EMID1: variants seen among roughly 807,000 people sequenced by gnomAD.
The protein encoded by EMID1 is EMI domain containing 1, also known as EMI domain-containing protein 1.
Under a neutral mutation model 60.6 loss-of-function variants are expected in EMID1, and 40 were observed. The ratio of observed to expected loss-of-function variants is 0.66; its 90% CI spans 0.51 to 0.86. The LOEUF is 0.86. Ranked by LOEUF, EMID1 falls within the 40% of genes least tolerant of loss-of-function variation. The pLI is 0.00. For missense variants in EMID1, 585 were observed against 597.1 expected, an observed-to-expected ratio of 0.98 and a Z score of 0.21; for synonymous variants, 242 against 231.0, an observed-to-expected ratio of 1.05 and a Z score of -0.43.
At chr22:29,213,236 G>A (rs2039960087) in intron 1 of EMID1, among the ~76,000 whole-genome samples, 1 of 152,218 alleles carries the variant, frequency 6.6e-6, no homozygotes, top group Non-Finnish European at 1.5e-5. Flanking sequence ...CTTTGTCACA[G>A]CATCTGGTTT....
intron 1 of EMID1, among the ~76,000 whole-genome samples, chr22:29,211,901 G>A (rs1306248278): frequency 6.6e-6 from 1 of 152,160 alleles, no homozygotes; most frequent in Non-Finnish European, 1.5e-5. Context: ...TATTTCTGGA[G>A]AGGAGCCACG....
intron 14 of EMID1, among the ~76,000 whole-genome samples, 171 bp from the exon 15 acceptor site, chr22:29,258,646 G>A (rs1183891543): frequency 6.6e-6 from 1 of 152,170 alleles, no homozygotes; most frequent in Non-Finnish European, 1.5e-5. Flanking sequence ...CCTGGCGTGA[G>A]GCACCAACCA....
chr22:29,223,310 T>C (rs892950354), intron 3 of EMID1, among the ~76,000 whole-genome samples: 1 of 150,882 alleles, frequency 6.6e-6, no homozygotes, highest in African/African-American at 2.4e-5. Flanking sequence ...AACAGCAGAG[T>C]AGAGGGGAGG....
intron 1 of EMID1, among the ~76,000 whole-genome samples, chr22:29,211,900 A>C (rs1238966611): frequency 2.0e-5 from 3 of 152,186 alleles, no homozygotes; most frequent in Non-Finnish European, 4.4e-5. Flanking sequence ...GTATTTCTGG[A>C]GAGGAGCCAC....
rs1568999242 is a variant in EMID1, at chr22:29,243,475, G to A, written c.1105G>A (p.Glu369Lys). ...ACCTGGCCCTAAGGGAGACCCTGGT[G>A]AGAAGAGCCACTGGGTAAGCTCTGG... ...GEPGPKGDPG[E>K]KSHWGEGLHQ... Residue 369 changes from glutamate to lysine, a missense_variant, in exon 13 of 15, where the codon GAG (glutamate) becomes AAG (lysine). By Grantham distance (56) the Glu-to-Lys change is moderately conservative. Transcript: ENST00000334018. 1 of 1,614,116 alleles carries A rather than the reference G, an allele frequency of 6.2e-7. No individual in the cohort carries two copies. The highest frequency in any genetic ancestry group is 8.5e-7 in the Non-Finnish European group (1 of 1,180,008).
chr22:29,229,965 A>G (rs1428790197), intron 5 of EMID1, among the ~76,000 whole-genome samples: 1 of 152,162 alleles, frequency 6.6e-6, no homozygotes, highest in Non-Finnish European at 1.5e-5. Flanking sequence ...CTTCCTCACC[A>G]TGGGCCCAAA....
chr22:29,224,672 C>T (rs2040432325), intron 3 of EMID1, among the ~76,000 whole-genome samples: 1 of 152,254 alleles, frequency 6.6e-6, no homozygotes, highest in Non-Finnish European at 1.5e-5. Flanking sequence ...GTGTGCCAGT[C>T]CCTGTGTGTG....
chr22:29,226,978 C>T (rs1475072587), intron 5 of EMID1, among the ~76,000 whole-genome samples: 1 of 152,062 alleles, frequency 6.6e-6, no homozygotes, highest in Non-Finnish European at 1.5e-5. Context: ...TGCCCCTGCC[C>T]CATCCCCTTT....
chr22:29,223,555 C>G (rs1235225845), intron 3 of EMID1, among the ~76,000 whole-genome samples: 1 of 152,206 alleles, frequency 6.6e-6, no homozygotes, highest in East Asian at 1.9e-4. Flanking sequence ...CCCACCTCCA[C>G]CAACCAAAAA....
At chr22:29,241,632 G>A (rs903988289) in intron 12 of EMID1, among the ~76,000 whole-genome samples, 51 of 151,988 alleles carry the variant, frequency 3.4e-4, no homozygotes, top group Non-Finnish European at 6.3e-4. Flanking sequence ...CAGATGATCC[G>A]CCCGCCTCAG....
At chr22:29,251,383 T>G (rs1280282067) in intron 13 of EMID1, among the ~76,000 whole-genome samples, 3 of 2,234 alleles carry the variant, frequency 1.3e-3, no homozygotes, top group East Asian at 0.25. Context: ...CATCTGGCCA[T>G]TTTTTTTTTT....
chr22:29,209,436 C>T (rs922069102), intron 1 of EMID1, among the ~76,000 whole-genome samples: 3 of 152,144 alleles, frequency 2.0e-5, no homozygotes, highest in African/African-American at 7.2e-5. Flanking sequence ...ATGACCACAC[C>T]CCAGGGAAGG....
intron 13 of EMID1, 127 bp from the exon 14 acceptor site, chr22:29,254,076 C>G: frequency 6.4e-7 from 1 of 1,562,776 alleles, no homozygotes; most frequent in Non-Finnish European, 8.6e-7. Flanking sequence ...GTCCATGGAC[C>G]CTGGGCTGTG....
intron 5 of EMID1, among the ~76,000 whole-genome samples, chr22:29,227,855 A>T (rs1387390561): frequency 6.6e-6 from 1 of 152,050 alleles, no homozygotes; most frequent in Non-Finnish European, 1.5e-5. Context: ...CTTTACTAAA[A>T]ATACAAAAAA....
chr22:29,234,814 AC>A (rs1211504871), intron 12 of EMID1, among the ~76,000 whole-genome samples: 1 of 151,710 alleles, frequency 6.6e-6, no homozygotes, highest in African/African-American at 2.4e-5. Context: ...TTAATAGCAC[AC>A]CAGCTTTCTT....
chr22:29,252,081 T>C (rs2041548763), intron 13 of EMID1, among the ~76,000 whole-genome samples: 1 of 152,220 alleles, frequency 6.6e-6, no homozygotes, highest in Admixed American at 6.5e-5. Context: ...AGCACTGAGA[T>C]TAGAGGTGTA....
Position 29,255,991 on chromosome 22 carries a change from T to C in EMID1, c.1204+1704T>C, listed in dbSNP as rs561847253. Among the ~76,000 whole-genome samples, 6 of 152,226 alleles carry C rather than the reference T, an allele frequency of 3.9e-5. No homozygotes were observed. The East Asian group carries it at 9.7e-4, about 25-fold the overall frequency. On this transcript the variant is annotated intron_variant, in intron 14 of 14. Transcript: ENST00000334018. The stretch of plus-strand genomic sequence containing the variant: ...GGTACCCCTCCTTGCGTCTGGCTCC[T>C]GGGAGTGAGGCTGAGAAAATCTCTC...
chr22:29,234,391 C>T (rs2040868755), intron 12 of EMID1, 42 bp downstream of exon 12: 9 of 1,603,060 alleles, frequency 5.6e-6, no homozygotes, highest in Non-Finnish European at 7.7e-6. Flanking sequence ...CTGCAGGATC[C>T]CTTAGTCCCA....
intron 12 of EMID1, among the ~76,000 whole-genome samples, chr22:29,239,143 T>A: frequency 6.9e-6 from 1 of 144,874 alleles, no homozygotes. Flanking sequence ...AAAGTTTCCA[T>A]TGTCATATCA....
Sources: gnomAD v4.1 joint callset for allele counts (sites outside exome capture counted in the v4.1 genomes callset) on GRCh38, gnomAD v4.1.1 for gene constraint, MANE v1.5 for transcripts, NCBI Gene and HGNC (gene_info 2026-07-23, HGNC 2026-07-21) for gene names.